NBAS: variants seen among roughly 807,000 people sequenced by gnomAD.
NBAS encodes the protein NAG/BC035112 fusion.
A neutral mutation model predicts 302.5 loss-of-function variants in NBAS; 219 were observed. That is an observed-to-expected ratio of 0.72 (90% CI 0.65 to 0.81). NBAS has a LOEUF of 0.81. Ranked by LOEUF, NBAS falls within the 30% of genes least tolerant of loss-of-function variation. NBAS has a pLI of 0.00. For synonymous variants in NBAS, 1,118 were observed against 1,021.6 expected (o/e 1.09, Z -1.80); for missense variants, 2,932 against 2,841.6 (o/e 1.03, Z -0.72).
chr2:15,329,556 C>T (rs1672226537), intron 36 of NBAS, among the ~76,000 whole-genome samples: 1 of 152,138 alleles, frequency 6.6e-6, no homozygotes, highest in African/African-American at 2.4e-5. Context: ...CATAAGCTTT[C>T]CATCTTACTC....
At chr2:14,788,616 A>T in the NBAS span, among the ~76,000 whole-genome samples, 2 of 152,154 alleles carry the variant, frequency 1.3e-5, no homozygotes, top group African/African-American at 4.8e-5. Flanking sequence ...GCCACAGAAC[A>T]GCGGTGGCCA....
the NBAS span, among the ~76,000 whole-genome samples, chr2:15,107,339 G>T: frequency 6.6e-6 from 1 of 152,070 alleles, no homozygotes. Context: ...CGACCATGCT[G>T]GCTCCTGGAT....
Position 15,353,437 on chromosome 2 carries a change from TC to T in NBAS, c.4089+115del. On this transcript the variant is annotated intron_variant, in intron 34 of 51. Coordinates refer to ENST00000281513, the MANE Select transcript of NBAS (RefSeq NM_015909.4). ...TTTTCCATAAGTGACAATCTAGTTT[TC>T]TTCCATAAATTAAAATTCTCATACT... 2.4e-6 allele frequency: 3 copies of T among 1,267,566 alleles called. No individual in the cohort carries two copies. The South Asian group carries it at 3.6e-5, about 15-fold the overall frequency. 78.5% of individuals were successfully genotyped at this position (1,267,566 alleles called of 1,614,324 possible).
chr2:14,994,559 A>G, the NBAS span, among the ~76,000 whole-genome samples: 14 of 152,140 alleles, frequency 9.2e-5, no homozygotes, highest in African/African-American at 3.4e-4. Context: ...GATGTGGCTG[A>G]CGCTCCTCGA....
At chr2:15,115,507 T>C in the NBAS span, among the ~76,000 whole-genome samples, 8 of 152,162 alleles carry the variant, frequency 5.3e-5, 1 homozygote, top group Admixed American at 2.0e-4. Context: ...TTATTTATAA[T>C]AACTTTTTTT....
the NBAS span, among the ~76,000 whole-genome samples, chr2:15,084,781 A>G: frequency 1.3e-5 from 2 of 152,178 alleles, no homozygotes; most frequent in African/African-American, 2.4e-5. Context: ...TGGTTCACTC[A>G]GGGTGTAGAC....
Position 15,401,655 on chromosome 2 carries a change from C to T in NBAS, c.3071+513G>A, listed in dbSNP as rs116124592. 6.7e-3 allele frequency among the ~76,000 whole-genome samples: 1,024 copies of T among 152,176 alleles called. 12 individuals carry two copies. The highest frequency in any genetic ancestry group is 0.022 in the African/African-American group (925 of 41,538). On this transcript the variant is annotated intron_variant, in intron 26 of 51. Transcript: ENST00000281513. ...CTACCTGACTTCCAAAGAAAACATA[C>T]AAATTTGACTTGCATACAACTAAAT...
the NBAS span, among the ~76,000 whole-genome samples, chr2:14,915,159 T>C: frequency 1.2e-4 from 18 of 152,098 alleles, no homozygotes; most frequent in Non-Finnish European, 2.6e-4. Flanking sequence ...AGGTGATGGG[T>C]TTAACTGACT....
At chr2:15,348,112 T>C (rs16862522) in intron 35 of NBAS, among the ~76,000 whole-genome samples, 6,900 of 152,284 alleles carry the variant, frequency 0.045, 432 homozygotes, top group African/African-American at 0.14. Context: ...CGGCATCTTA[T>C]AGCTAAGCAC....
At chr2:14,946,020 C>T in the NBAS span, among the ~76,000 whole-genome samples, 330 of 152,124 alleles carry the variant, frequency 2.2e-3, 1 homozygote, top group African/African-American at 6.3e-3. Context: ...TGCAGTGAGC[C>T]GAGACTATGC....
the NBAS span, among the ~76,000 whole-genome samples, chr2:14,974,947 AC>A: frequency 6.6e-6 from 1 of 152,332 alleles, no homozygotes; most frequent in African/African-American, 2.4e-5. Flanking sequence ...GATTCAAAGC[AC>A]AAGAAGAATT....
chr2:14,845,031 T>C, the NBAS span, among the ~76,000 whole-genome samples: 1 of 152,116 alleles, frequency 6.6e-6, no homozygotes, highest in African/African-American at 2.4e-5. Context: ...GTCTGCTGAT[T>C]GTAAAGCCCT....
the NBAS span, among the ~76,000 whole-genome samples, chr2:14,847,310 G>A: frequency 6.7e-6 from 1 of 149,048 alleles, no homozygotes; most frequent in South Asian, 2.1e-4. Flanking sequence ...ATGAACCCAG[G>A]AGGCGGAGCT....
At chr2:15,234,279 C>T (rs981019857) in intron 46 of NBAS, among the ~76,000 whole-genome samples, 2 of 152,130 alleles carry the variant, frequency 1.3e-5, no homozygotes, top group Non-Finnish European at 2.9e-5. Context: ...CCATTTTGGC[C>T]TTTCCCTTAT....
chr2:15,057,314 G>GAAAAAAA, the NBAS span, among the ~76,000 whole-genome samples: 913 of 135,744 alleles, frequency 6.7e-3, 21 homozygotes, highest in African/African-American at 0.02. Flanking sequence ...ACAGAAATTT[G>GAAAAAAA]AAAAAAAAAA....
chr2:15,096,080 G>C, the NBAS span, among the ~76,000 whole-genome samples: 12 of 152,276 alleles, frequency 7.9e-5, no homozygotes, highest in African/African-American at 2.9e-4. Context: ...ACCATGTCTT[G>C]GGTCCTATTC....
intron 44 of NBAS, 125 bp downstream of exon 44, chr2:15,275,359 C>A: frequency 8.4e-7 from 1 of 1,187,110 alleles, no homozygotes; most frequent in Non-Finnish European, 1.2e-6. Flanking sequence ...TGAACAAAAA[C>A]TTTTTAAAAA....
chr2:15,369,229 T>C (rs1270005470), intron 31 of NBAS, among the ~76,000 whole-genome samples: 2 of 152,206 alleles, frequency 1.3e-5, no homozygotes, highest in African/African-American at 4.8e-5. Context: ...AATTATTGTA[T>C]TCTTCTTAGA....
At chr2:15,004,959 T>C in the NBAS span, among the ~76,000 whole-genome samples, 1 of 152,144 alleles carries the variant, frequency 6.6e-6, no homozygotes, top group Non-Finnish European at 1.5e-5. Context: ...TAGGAAAAGC[T>C]GGGAGAACTT....
Sources: allele counts gnomAD v4.1 joint callset (sites outside exome capture counted in the v4.1 genomes callset), GRCh38; gene constraint gnomAD v4.1.1; transcripts MANE v1.5; gene names NCBI Gene and HGNC (gene_info 2026-07-23, HGNC 2026-07-21).